Variants in RGS5 observed in about 807,000 individuals in gnomAD.
RGS5 encodes the protein regulator of G-protein signalling 5.
Under a neutral mutation model 18.9 loss-of-function variants are expected in RGS5, and 20 were observed. The observed-to-expected ratio is 1.06, with a 90% confidence interval of 0.74 to 1.54. The LOEUF is 1.54. Ranked by LOEUF, RGS5 falls within the 40% of genes most tolerant of loss-of-function variation. The pLI, the probability that RGS5 is intolerant of heterozygous loss-of-function variation, is 0.00. For synonymous variants in RGS5, 57 were observed against 76.2 expected (o/e 0.75, Z 1.31); for missense variants, 201 against 211.8 (o/e 0.95, Z 0.32).
intron 1 of RGS5, chr1:163,319,189 T>G (rs1457733897): frequency 6.6e-6 from 1 of 152,262 alleles, no homozygotes; most frequent in Non-Finnish European, 1.5e-5. Context: ...TGCATTAAAG[T>G]CCTAGCTGCA....
rs563306540 is a variant in RGS5 at position 163,262,473 on chromosome 1, C to A, written c.-281+43760G>T. On this transcript the variant is annotated intron_variant, in intron 2 of 5. Transcript: ENST00000618415. ...GTTTCCAATTTCATCCATGTCCCTA[C>A]AAAGGATATGAACTCATCATTTTTT... Among the ~76,000 whole-genome samples, 3 of 67,500 alleles carry A rather than the reference C, an allele frequency of 4.4e-5. No homozygotes were observed. In the Admixed American group the frequency reaches 5.5e-4, roughly 12 times the overall value. 44.3% of individuals were successfully genotyped at this position (67,500 alleles called of 152,430 possible).
intron 1 of RGS5, chr1:163,211,781 G>A (rs2101671639): frequency 6.6e-6 from 1 of 152,164 alleles, no homozygotes; most frequent in Admixed American, 6.5e-5. Flanking sequence ...GAAAAGAACA[G>A]TCAACATAGT....
At chr1:163,280,022 C>T (rs1308816135) in intron 2 of RGS5, among the ~76,000 whole-genome samples, 1 of 151,832 alleles carries the variant, frequency 6.6e-6, no homozygotes, top group Non-Finnish European at 1.5e-5. Flanking sequence ...AAAAAATTTC[C>T]CTTCTCCCTG....
intron 1 of RGS5, among the ~76,000 whole-genome samples, chr1:163,202,503 T>G (rs997323481): frequency 2.6e-5 from 4 of 152,140 alleles, no homozygotes; most frequent in African/African-American, 9.7e-5. Context: ...AACCATACAG[T>G]TTTTACTCTA....
At chr1:163,319,964 A>G (rs1466717077) in intron 1 of RGS5, among the ~76,000 whole-genome samples, 3 of 152,210 alleles carry the variant, frequency 2.0e-5, no homozygotes, top group Non-Finnish European at 4.4e-5. Flanking sequence ...TAACCTTCTA[A>G]TTAAGGTAAT....
intron 2 of RGS5, among the ~76,000 whole-genome samples, chr1:163,279,828 A>G (rs1452159283): frequency 6.6e-6 from 1 of 152,078 alleles, no homozygotes; most frequent in African/African-American, 2.4e-5. Flanking sequence ...AGGAGGGATT[A>G]CAACTTGATA....
chr1:163,177,530 C>G lies in RGS5; in HGVS notation c.45-9162G>C, dbSNP rs115049455. On this transcript the variant is annotated intron_variant, in intron 1 of 4. Transcript: ENST00000313961. ...AACCTGGCCCTACTTGTTGGGCATCCTCTTCTTCAGTCACCTGGGGGAGAA... is the reference window on the plus strand; with the variant it reads ...AACCTGGCCCTACTTGTTGGGCATCGTCTTCTTCAGTCACCTGGGGGAGAA... 1.4e-3 allele frequency among the ~76,000 whole-genome samples: 211 copies of G among 152,258 alleles called. 1 individual carries two copies. The highest frequency in any genetic ancestry group is 5.0e-3 in the African/African-American group (207 of 41,538).
At chr1:163,321,597 A>G (rs1461544612) in intron 1 of RGS5, 2 of 152,180 alleles carry the variant, frequency 1.3e-5, no homozygotes, top group African/African-American at 4.8e-5. Context: ...ACAAGTTATT[A>G]TTACTCTGGA....
chr1:163,193,230 G>A (rs777844214), intron 1 of RGS5, among the ~76,000 whole-genome samples: 7 of 152,128 alleles, frequency 4.6e-5, no homozygotes, highest in African/African-American at 9.7e-5. Flanking sequence ...TTTGAGCAGC[G>A]CCTGGGGAAA....
intron 1 of RGS5, among the ~76,000 whole-genome samples, chr1:163,199,620 T>C (rs999449301): frequency 1.3e-5 from 2 of 152,146 alleles, no homozygotes; most frequent in Non-Finnish European, 2.9e-5. Context: ...AGAGTTGCTG[T>C]CAAAAACAAT....
At chr1:163,309,074 G>A (rs201148155) in intron 1 of RGS5, among the ~76,000 whole-genome samples, 1 of 65,692 alleles carries the variant, frequency 1.5e-5, no homozygotes, top group Non-Finnish European at 4.5e-5. Context: ...GATAGGCTGG[G>A]TGTAGTGGTT....
At chr1:163,297,676 A>G (rs2101729758) in intron 2 of RGS5, among the ~76,000 whole-genome samples, 1 of 152,260 alleles carries the variant, frequency 6.6e-6, no homozygotes, top group Middle Eastern at 3.4e-3. Flanking sequence ...AACATGTAAC[A>G]TGAAGTATAC....
chr1:163,272,426 C>T (rs185552766), intron 2 of RGS5, among the ~76,000 whole-genome samples: 1 of 152,146 alleles, frequency 6.6e-6, no homozygotes, highest in East Asian at 1.9e-4. Context: ...ATAAAATTCA[C>T]TAATTTTTTT....
At chr1:163,252,994 AT>A (rs1246475318) in intron 2 of RGS5, among the ~76,000 whole-genome samples, 3 of 152,160 alleles carry the variant, frequency 2.0e-5, no homozygotes, top group African/African-American at 4.8e-5. Context: ...GCAGATGGGA[AT>A]CTCATCTGTG....
chr1:163,263,072 A>G (rs1334468420), intron 2 of RGS5, among the ~76,000 whole-genome samples: 1 of 152,152 alleles, frequency 6.6e-6, no homozygotes, highest in Admixed American at 6.5e-5. Context: ...AACCTCAGGG[A>G]CTTCATTGCT....
chr1:163,292,901 T>C (rs1403006353), intron 2 of RGS5, among the ~76,000 whole-genome samples: 2 of 152,234 alleles, frequency 1.3e-5, no homozygotes, highest in Non-Finnish European at 2.9e-5. Context: ...AAGTTCCTTA[T>C]GGATGCTGGA....
intron 2 of RGS5, among the ~76,000 whole-genome samples, chr1:163,162,427 T>A (rs913092089): frequency 6.6e-6 from 1 of 152,180 alleles, no homozygotes; most frequent in African/African-American, 2.4e-5. Flanking sequence ...GGGTTCCACA[T>A]CCACATCCCA....
chr1:163,295,911 CT>C lies in RGS5; in HGVS notation c.-281+10321del, dbSNP rs965530156. Among the ~76,000 whole-genome samples, 12 of 151,580 alleles carry C rather than the reference CT, an allele frequency of 7.9e-5. No homozygotes were observed. In the East Asian group the frequency reaches 1.9e-3, roughly 24 times the overall value. On this transcript the variant is annotated intron_variant, in intron 2 of 5. Transcript: ENST00000618415. ...GCCTGTTATTATGCTAAGTATCAAT[CT>C]TTTTTTTTCAATCAACTCTCTGTTT...
intron 1 of RGS5, among the ~76,000 whole-genome samples, chr1:163,182,852 G>A (rs1399295361): frequency 1.3e-5 from 2 of 152,006 alleles, no homozygotes; most frequent in African/African-American, 2.4e-5. Context: ...ATTATACTGC[G>A]GGACTTTATA....
Sources: allele counts gnomAD v4.1 joint callset (sites outside exome capture counted in the v4.1 genomes callset), GRCh38; gene constraint gnomAD v4.1.1; transcripts MANE v1.5; gene names NCBI Gene and HGNC (gene_info 2026-07-23, HGNC 2026-07-21).